The following DDX1 variants were observed in gnomAD, a reference collection of about 807,000 sequenced individuals.
DDX1 encodes ATP-dependent RNA helicase DDX1.
Under a neutral mutation model 108.7 loss-of-function variants are expected in DDX1, and 28 were observed. That is an observed-to-expected ratio of 0.26 (90% CI 0.19 to 0.35). The LOEUF (loss-of-function observed/expected upper bound fraction) is 0.35, where lower values mean the gene tolerates loss of function less well. Among genes scored for constraint, DDX1 ranks in the 10% least tolerant of loss-of-function variants. The probability of loss-of-function intolerance (pLI) is 1.00; values close to 1 mark genes in which losing one functional copy is unlikely to be tolerated. For missense variants in DDX1, 710 were observed against 884.5 expected (o/e 0.80, Z 2.50); for synonymous variants, 295 against 288.9 (o/e 1.02, Z -0.21).
At chr2:15,621,685 C>T (rs967337892) in intron 18 of DDX1, among the ~76,000 whole-genome samples, 26 of 151,674 alleles carry the variant, frequency 1.7e-4, no homozygotes, top group African/African-American at 5.8e-4. Context: ...CACGGTCTCA[C>T]TCTGTCACCC....
In DDX1 at chr2:15,606,154, C is replaced by A. The variant is rs1665657502; in HGVS notation, c.707C>A (p.Ala236Asp). 1.2e-5 allele frequency: 19 copies of A among 1,612,008 alleles called. No homozygotes were observed. Among genetic ancestry groups the A allele is most frequent in the Non-Finnish European group, 1.5e-5 (18 of 1,178,270 alleles). The change falls in exon 12 of 26, where the codon GCT becomes GAT. Residue 236 changes from alanine to aspartate, a missense_variant. This residue lies in a region of DDX1 where 661 missense variants were observed against 810.2 expected (regional missense o/e 0.82). Transcript: ENST00000233084. ...ALFPACVLKN[A>D]ELKFNFGEEE... ...TTCTGTTTTATTCAATGCTAGAATGCTGAACTGAAATTTAACTTCGGTGAA... is the reference window on the plus strand; with the variant it reads ...TTCTGTTTTATTCAATGCTAGAATGATGAACTGAAATTTAACTTCGGTGAA...
chr2:15,611,517 AC>A (rs537084520), intron 13 of DDX1, among the ~76,000 whole-genome samples: 1 of 126,762 alleles, frequency 7.9e-6, no homozygotes, highest in Non-Finnish European at 1.6e-5. Flanking sequence ...CAGGGGGCTG[AC>A]CCCCCCACCT....
chr2:15,616,280 A>C (rs1558457117), intron 14 of DDX1, among the ~76,000 whole-genome samples: 1 of 152,236 alleles, frequency 6.6e-6, no homozygotes, highest in South Asian at 2.1e-4. Context: ...GCACTGTACT[A>C]AAAACATAAC....
chr2:15,621,655 T>G (rs1428452229), intron 18 of DDX1, among the ~76,000 whole-genome samples: 1 of 151,930 alleles, frequency 6.6e-6, no homozygotes, highest in Non-Finnish European at 1.5e-5. Context: ...ATCACTTTTT[T>G]TTTTTTTGTT....
chr2:15,602,668 A>G (rs748950870), intron 7 of DDX1, 37 bp downstream of exon 7: 67 of 1,452,804 alleles, frequency 4.6e-5, no homozygotes, highest in Middle Eastern at 1.7e-4. Context: ...TAAACTTTTG[A>G]GGCAAGGTAT....
intron 10 of DDX1, 150 bp downstream of exon 10, chr2:15,604,659 A>G: frequency 1.6e-6 from 1 of 619,590 alleles, no homozygotes; most frequent in South Asian, 2.0e-5. Context: ...GACTATGTGT[A>G]AGGTACCCTG....
chr2:15,625,542 T>C (rs1365602418), intron 19 of DDX1, among the ~76,000 whole-genome samples: 3 of 152,172 alleles, frequency 2.0e-5, no homozygotes, highest in African/African-American at 7.2e-5. Flanking sequence ...AATATGAAGA[T>C]GAGTTGATGG....
At chr2:15,601,035 T>A in intron 6 of DDX1, among the ~76,000 whole-genome samples, 1 of 151,988 alleles carries the variant, frequency 6.6e-6, no homozygotes, top group Middle Eastern at 3.2e-3. Flanking sequence ...CCTTTTTCTT[T>A]CCAAACCACA....
intron 16 of DDX1, among the ~76,000 whole-genome samples, 191 bp from the exon 17 acceptor site, chr2:15,620,017 A>G (rs779542282): frequency 6.6e-6 from 1 of 152,218 alleles, no homozygotes; most frequent in Non-Finnish European, 1.5e-5. Context: ...TCTATGTGAC[A>G]GTGAGGGAAC....
Position 15,597,250 on chromosome 2 carries a change from G to A in DDX1, c.163-125G>A, listed in dbSNP as rs12104438. 5.4e-3 allele frequency: 3,510 copies of A among 656,022 alleles called. 85 individuals are homozygous for A. The highest frequency in any genetic ancestry group is 0.05 in the African/African-American group (2,633 of 52,768). The allele number at this position is 656,022 out of a possible 1,614,324, so 40.6% of individuals were successfully genotyped here. ...ATTTTTGGTTTGGGTAAATGAAATT[G>A]TAGTAGCAATCTGGAATATGTATGA... On this transcript the variant is annotated intron_variant, in intron 4 of 25. Coordinates refer to ENST00000233084, the MANE Select transcript of DDX1 (RefSeq NM_004939.3).
intron 13 of DDX1, among the ~76,000 whole-genome samples, chr2:15,612,657 G>A: frequency 1.3e-5 from 2 of 151,904 alleles, no homozygotes; most frequent in Non-Finnish European, 2.9e-5. Context: ...AAGGCAGGCG[G>A]CTGGGAGGTG....
intron 24 of DDX1, 77 bp downstream of exon 24, chr2:15,629,774 C>A: frequency 8.2e-7 from 1 of 1,215,356 alleles, no homozygotes; most frequent in Non-Finnish European, 1.1e-6. Flanking sequence ...AAAATTATAT[C>A]TTGGCTTTTA....
chr2:15,608,663 G>GTTT (rs569566545), intron 13 of DDX1, among the ~76,000 whole-genome samples: 1,124 of 106,510 alleles, frequency 0.011, 32 homozygotes, highest in East Asian at 0.049. Context: ...TTTTTTTTAG[G>GTTT]TTTTTTTTTT....
intron 13 of DDX1, among the ~76,000 whole-genome samples, chr2:15,610,932 AG>A (rs1449858225): frequency 6.7e-6 from 1 of 148,252 alleles, no homozygotes; most frequent in Non-Finnish European, 1.5e-5. Flanking sequence ...TTTCTCACAG[AG>A]GGGGATTTGG....
chr2:15,596,155 G>A lies in DDX1; in HGVS notation c.133-579G>A, dbSNP rs972625924. Among the ~76,000 whole-genome samples, 35 of 152,270 alleles carry A rather than the reference G, an allele frequency of 2.3e-4. 1 individual carries two copies. Among genetic ancestry groups the A allele is most frequent in the African/African-American group, 7.9e-4 (33 of 41,562 alleles). ...TCCTGTCTTGGCCTCCCAAAGTGCT[G>A]GAGTTATAAGTGTGGGCCAGATTTT... On this transcript the variant is annotated intron_variant, in intron 3 of 25. Coordinates refer to ENST00000233084, the MANE Select transcript of DDX1 (RefSeq NM_004939.3).
intron 11 of DDX1, 33 bp from the exon 12 acceptor site, chr2:15,606,117 G>A (rs905867149): frequency 1.3e-6 from 2 of 1,590,434 alleles, no homozygotes; most frequent in Non-Finnish European, 1.7e-6. Flanking sequence ...AATTAGGGTA[G>A]GAATTTTAAT....
In DDX1 at chr2:15,629,590, T is replaced by G; in HGVS notation, c.1876-12T>G. ...TCCATGCATGTTAATATTTTTTCCT[T>G]TTTAAATTTAGGTTTGGTACCATGT... On this transcript the variant is annotated splice_polypyrimidine_tract_variant and intron_variant, in intron 23 of 25. Transcript: ENST00000233084. The G allele has an allele frequency of 1.3e-6, 2 of 1,578,064 alleles. No homozygotes were observed. Among genetic ancestry groups the G allele is most frequent in the Non-Finnish European group, 1.7e-6 (2 of 1,164,104 alleles).
intron 18 of DDX1, among the ~76,000 whole-genome samples, chr2:15,622,077 T>C (rs1666021675): frequency 6.6e-6 from 1 of 152,246 alleles, no homozygotes; most frequent in Non-Finnish European, 1.5e-5. Context: ...TCAGGAATAT[T>C]GCATAAGAAA....
chr2:15,598,496 A>G (rs1219157353), intron 5 of DDX1, among the ~76,000 whole-genome samples: 4 of 152,228 alleles, frequency 2.6e-5, no homozygotes, highest in Non-Finnish European at 5.9e-5. Context: ...GAGAAGAAGT[A>G]AAAATGGAGA....
Sources: gnomAD v4.1 joint callset for allele counts (sites outside exome capture counted in the v4.1 genomes callset) on GRCh38, gnomAD v4.1.1 for gene constraint, gnomAD v4.1.1 regional missense constraint, MANE v1.5 for transcripts, NCBI Gene and HGNC (gene_info 2026-07-23, HGNC 2026-07-21) for gene names.